The following TNFRSF19 variants were observed in gnomAD, a reference collection of about 807,000 sequenced individuals.
TNFRSF19 encodes TNF receptor superfamily member 19, also known as tumor necrosis factor receptor superfamily member 19.
A neutral mutation model predicts 46.4 loss-of-function variants in TNFRSF19; 27 were observed. The observed-to-expected ratio is 0.58, with a 90% CI of 0.43 to 0.80. The LOEUF (loss-of-function observed/expected upper bound fraction) is 0.80. TNFRSF19 is among the 30% of genes least tolerant of loss of function. The pLI is 0.00. For synonymous variants in TNFRSF19, 204 were observed against 205.0 expected, an observed-to-expected ratio of 1.00 and a Z score of 0.04; for missense variants, 511 against 530.8, an observed-to-expected ratio of 0.96 and a Z score of 0.37.
Position 23,668,164 on chromosome 13 carries a change from A to G in TNFRSF19, c.839+82A>G, listed in dbSNP as rs1435840675. On this transcript the variant is annotated intron_variant, in intron 8 of 9. Coordinates refer to ENST00000248484, the MANE Select transcript of TNFRSF19 (RefSeq NM_148957.4). The stretch of plus-strand genomic sequence containing the variant: ...ACTAATTTACCGATTTTCATCTGAA[A>G]TGATGGAAACATCACCTCTTAAATA... 6 of 1,215,810 alleles carry G rather than the reference A, an allele frequency of 4.9e-6. No homozygotes were observed. In the Admixed American group the frequency reaches 7.2e-5, roughly 15 times the overall value. The allele number at this position is 1,215,810 out of a possible 1,614,324, so 75.3% of individuals were successfully genotyped here.
intron 5 of TNFRSF19, among the ~76,000 whole-genome samples, chr13:23,650,110 G>T (rs978723629): frequency 1.3e-5 from 2 of 152,170 alleles, no homozygotes; most frequent in African/African-American, 4.8e-5. Context: ...ACCCCAAACA[G>T]CTCTTCTGGC....
chr13:23,595,796 G>C (rs906873951), intron 3 of TNFRSF19, among the ~76,000 whole-genome samples: 5 of 152,040 alleles, frequency 3.3e-5, no homozygotes, highest in Admixed American at 2.6e-4. Context: ...GCAACCCCAA[G>C]ACACATAATC....
At chr13:23,668,473 A>C (rs540793732) in intron 8 of TNFRSF19, among the ~76,000 whole-genome samples, 1 of 152,262 alleles carries the variant, frequency 6.6e-6, no homozygotes, top group Non-Finnish European at 1.5e-5. Flanking sequence ...AAGTATAACT[A>C]TATTAATTAG....
At chr13:23,578,620 T>C (rs929194739) in intron 1 of TNFRSF19, among the ~76,000 whole-genome samples, 3 of 152,208 alleles carry the variant, frequency 2.0e-5, no homozygotes, top group Non-Finnish European at 2.9e-5. Flanking sequence ...GGTGGATGCC[T>C]TGGTACCAAA....
intron 4 of TNFRSF19, among the ~76,000 whole-genome samples, chr13:23,620,840 C>T (rs539391239): frequency 2.0e-5 from 3 of 152,204 alleles, no homozygotes; most frequent in Non-Finnish European, 4.4e-5. Context: ...CCTGCCAGCT[C>T]TTTGCTTCTT....
intron 2 of TNFRSF19, among the ~76,000 whole-genome samples, chr13:23,592,650 G>A (rs184465323): frequency 2.6e-5 from 4 of 152,276 alleles, no homozygotes; most frequent in African/African-American, 4.8e-5. Context: ...GAAGAGTTCC[G>A]AGAGTTGGGC....
intron 4 of TNFRSF19, among the ~76,000 whole-genome samples, chr13:23,624,330 T>C (rs77131780): frequency 6.8e-6 from 1 of 147,106 alleles, no homozygotes; most frequent in Non-Finnish European, 1.5e-5. Context: ...TCGAACTTTG[T>C]TTTTTTTTTT....
chr13:23,589,048 T>A lies in TNFRSF19; in HGVS notation c.-34-1102T>A, dbSNP rs113523836. 2.5e-3 allele frequency among the ~76,000 whole-genome samples: 379 copies of A among 152,348 alleles called. 2 individuals carry two copies. The highest frequency in any genetic ancestry group is 8.9e-3 in the African/African-American group (372 of 41,576). On this transcript the variant is annotated intron_variant, in intron 1 of 9. Transcript: ENST00000248484. ...CCTTGGTTGTTGTCGTTGTTGTTTT[T>A]CTTGAGCTGTTTGCCCATGGTTCTG...
chr13:23,619,824 TG>T (rs1334314513), intron 4 of TNFRSF19, among the ~76,000 whole-genome samples: 2 of 152,136 alleles, frequency 1.3e-5, no homozygotes, highest in Non-Finnish European at 2.9e-5. Flanking sequence ...GGGAAAGGCC[TG>T]ACCTAGGACT....
intron 5 of TNFRSF19, among the ~76,000 whole-genome samples, chr13:23,650,213 T>G (rs991895716): frequency 6.6e-6 from 1 of 152,220 alleles, no homozygotes; most frequent in African/African-American, 2.4e-5. Context: ...ATGGCAATAA[T>G]GTATCTTTTG....
At chr13:23,642,473 C>A (rs1259161556) in intron 5 of TNFRSF19, among the ~76,000 whole-genome samples, 1 of 152,146 alleles carries the variant, frequency 6.6e-6, no homozygotes, top group African/African-American at 2.4e-5. Flanking sequence ...ATTGTTATTT[C>A]TTGGTTTTAC....
intron 4 of TNFRSF19, among the ~76,000 whole-genome samples, chr13:23,625,326 C>CTTTTTTTTTTTTTT (rs67965421): frequency 9.3e-6 from 1 of 107,328 alleles, no homozygotes; most frequent in Non-Finnish European, 1.8e-5. Context: ...TGATTGTATT[C>CTTTTTTTTTTTTTT]TTTTTTTTTT....
chr13:23,593,418 C>T lies in TNFRSF19; in HGVS notation c.143C>T (p.Pro48Leu), dbSNP rs1879462037. The T allele has an allele frequency of 6.2e-7, 1 of 1,602,862 alleles. No individual in the cohort carries two copies. The highest frequency in any genetic ancestry group is 1.8e-5 in the Admixed American group (1 of 56,702). Residue 48 changes from proline (P) to leucine (L), a missense_variant, in exon 3 of 10, where the codon CCC (proline) becomes CTC (leucine). By Grantham distance (98) the Pro-to-Leu change is moderately conservative (BLOSUM62 -3). Coordinates refer to ENST00000248484, the MANE Select transcript of TNFRSF19 (RefSeq NM_148957.4). ...AGGGATCGGTCTGGAAACTGTGTTC[C>T]CTGCAACCAGTGTGGGCCAGGCATG... Reference protein sequence around the residue: ...EFRDRSGNCVPCNQCGPGMEL... With the variant: ...EFRDRSGNCVLCNQCGPGMEL...
intron 5 of TNFRSF19, among the ~76,000 whole-genome samples, chr13:23,649,838 T>G (rs574469623): frequency 6.6e-6 from 1 of 152,338 alleles, no homozygotes; most frequent in South Asian, 2.1e-4. Flanking sequence ...ATTGTTGCAT[T>G]TTCATATATT....
chr13:23,617,446 G>C (rs1881380289), intron 4 of TNFRSF19, among the ~76,000 whole-genome samples: 1 of 146,174 alleles, frequency 6.8e-6, no homozygotes, highest in East Asian at 1.9e-4. Context: ...GGAGGAGAGA[G>C]TCTGGATGAA....
Position 23,619,776 on chromosome 13 carries a change from G to A in TNFRSF19, c.359+3731G>A, listed in dbSNP as rs568058287. On this transcript the variant is annotated intron_variant, in intron 4 of 9. Coordinates refer to ENST00000248484, the MANE Select transcript of TNFRSF19 (RefSeq NM_148957.4). ...TAGAGAAATGAGGAGGTCTACAGGG[G>A]ATGTACAGGCTGAGATAGGCAGTGC... Among the ~76,000 whole-genome samples, 2 of 152,300 alleles carry A rather than the reference G, an allele frequency of 1.3e-5. 1 individual carries two copies. The highest frequency in any genetic ancestry group is 4.1e-4 in the South Asian group (2 of 4,824).
At chr13:23,591,327 C>T (rs1054070202) in intron 2 of TNFRSF19, among the ~76,000 whole-genome samples, 1 of 152,204 alleles carries the variant, frequency 6.6e-6, no homozygotes, top group Admixed American at 6.5e-5. Context: ...GTGATGCACA[C>T]CTGTAATCCT....
chr13:23,657,003 G>C (rs561211419), intron 5 of TNFRSF19, among the ~76,000 whole-genome samples: 1 of 152,244 alleles, frequency 6.6e-6, no homozygotes, highest in African/African-American at 2.4e-5. Flanking sequence ...TGAACATTTA[G>C]TGTGTGCCGT....
At chr13:23,635,128 A>C (rs1463595730) in intron 5 of TNFRSF19, among the ~76,000 whole-genome samples, 2 of 152,142 alleles carry the variant, frequency 1.3e-5, no homozygotes, top group Non-Finnish European at 1.5e-5. Flanking sequence ...CTGGCAGCAC[A>C]GACAGGCCAA....
Sources: allele counts gnomAD v4.1 joint callset (sites outside exome capture counted in the v4.1 genomes callset), GRCh38; gene constraint gnomAD v4.1.1; transcripts MANE v1.5; gene names NCBI Gene and HGNC (gene_info 2026-07-23, HGNC 2026-07-21).